Variants in KAZN observed in about 807,000 individuals in gnomAD.
KAZN encodes kazrin, periplakin interacting protein.
KAZN carries 40 observed loss-of-function variants against 87.4 expected under a neutral mutation model. The ratio of observed to expected loss-of-function variants is 0.46; its 90% CI spans 0.36 to 0.60. The LOEUF (loss-of-function observed/expected upper bound fraction) is 0.60. Among genes scored for constraint, KAZN ranks in the 20% least tolerant of loss-of-function variants. The pLI is 0.00. For synonymous variants in KAZN, 466 were observed against 458.3 expected, an observed-to-expected ratio of 1.02 and a Z score of -0.22; for missense variants, 898 against 1,073.9, an observed-to-expected ratio of 0.84 and a Z score of 2.29.
chr1:14,121,982 T>A (rs1644761546), intron 1 of KAZN, among the ~76,000 whole-genome samples: 1 of 152,162 alleles, frequency 6.6e-6, no homozygotes, highest in African/African-American at 2.4e-5. Flanking sequence ...ACAGAGTGTG[T>A]AGAACACAGT....
chr1:15,086,090 C>T (rs1349382514), intron 8 of KAZN, among the ~76,000 whole-genome samples: 1 of 152,152 alleles, frequency 6.6e-6, no homozygotes, highest in Non-Finnish European at 1.5e-5. Flanking sequence ...CCTGCCTCAG[C>T]CTCCCAAGTA....
chr1:14,544,379 A>G (rs1384739793), intron 2 of KAZN, among the ~76,000 whole-genome samples: 1 of 76,626 alleles, frequency 1.3e-5, no homozygotes, highest in Non-Finnish European at 2.7e-5. Flanking sequence ...TGGTCTTTTA[A>G]AGAATCTTCT....
intron 1 of KAZN, among the ~76,000 whole-genome samples, chr1:14,852,149 C>T (rs1033927870): frequency 2.0e-5 from 3 of 152,188 alleles, no homozygotes; most frequent in Non-Finnish European, 4.4e-5. Flanking sequence ...TCCTTCTCTG[C>T]GTCCCTATCT....
In KAZN at chr1:14,848,856, G is replaced by A. The variant is rs766949664; in HGVS notation, c.227-111828G>A. Among the ~76,000 whole-genome samples, 10 of 152,210 alleles carry A rather than the reference G, an allele frequency of 6.6e-5. No individual in the cohort carries two copies. In the East Asian group the frequency reaches 7.7e-4, roughly 12 times the overall value. On this transcript the variant is annotated intron_variant, in intron 1 of 14. Coordinates refer to ENST00000376030, the MANE Select transcript of KAZN (RefSeq NM_201628.3). ...GAGTTGGTGGAGACATCTGTGTAGC[G>A]TAGCGTGTCCTGGGAGCGCCTTGGA...
At chr1:14,588,957 A>G (rs1019006140) in intron 2 of KAZN, among the ~76,000 whole-genome samples, 2 of 152,180 alleles carry the variant, frequency 1.3e-5, no homozygotes, top group Non-Finnish European at 2.9e-5. Flanking sequence ...GCGTGGAGCC[A>G]GTAACTGGAG....
intron 2 of KAZN, among the ~76,000 whole-genome samples, chr1:14,205,597 C>T (rs1184453600): frequency 1.3e-5 from 2 of 152,004 alleles, no homozygotes; most frequent in East Asian, 3.9e-4. Flanking sequence ...ACACATACAT[C>T]AATTAAAATG....
At chr1:14,887,337 G>T (rs915384677) in intron 1 of KAZN, among the ~76,000 whole-genome samples, 1 of 152,166 alleles carries the variant, frequency 6.6e-6, no homozygotes, top group Non-Finnish European at 1.5e-5. Flanking sequence ...AGAACTTGAG[G>T]CTCCTTTCGG....
intron 2 of KAZN, among the ~76,000 whole-genome samples, chr1:14,214,450 A>G (rs1283033131): frequency 1.3e-5 from 2 of 152,074 alleles, no homozygotes; most frequent in Non-Finnish European, 2.9e-5. Context: ...TCTGCAGATA[A>G]CCCCCAACTC....
At chr1:15,037,750 G>A (rs1286472873) in intron 3 of KAZN, among the ~76,000 whole-genome samples, 6 of 152,136 alleles carry the variant, frequency 3.9e-5, no homozygotes, top group Non-Finnish European at 7.3e-5. Flanking sequence ...AAGGCCCCGG[G>A]TGGGCAGGAT....
At chr1:14,490,315 T>G (rs1669578294) in intron 2 of KAZN, among the ~76,000 whole-genome samples, 1 of 152,236 alleles carries the variant, frequency 6.6e-6, no homozygotes. Context: ...TCTTTGAAGT[T>G]TGGCTTTTGA....
At chr1:14,393,723 T>C (rs1662648985) in intron 2 of KAZN, among the ~76,000 whole-genome samples, 1 of 151,766 alleles carries the variant, frequency 6.6e-6, no homozygotes, top group Non-Finnish European at 1.5e-5. Context: ...AGAATTGCTA[T>C]TTCTAAAAGT....
chr1:14,266,636 G>GT (rs1651494529), intron 2 of KAZN, among the ~76,000 whole-genome samples: 1 of 152,182 alleles, frequency 6.6e-6, no homozygotes, highest in South Asian at 2.1e-4. Flanking sequence ...GTCAATGGTA[G>GT]TCACAGCCAA....
Position 14,704,979 on chromosome 1 carries a change from A to G in KAZN, c.226+105756A>G, listed in dbSNP as rs150398950. Among the ~76,000 whole-genome samples, 8 of 152,308 alleles carry G rather than the reference A, an allele frequency of 5.3e-5. No individual in the cohort carries two copies. In the East Asian group the frequency reaches 1.3e-3, roughly 26 times the overall value. On this transcript the variant is annotated intron_variant, in intron 1 of 14. Transcript: ENST00000376030. ...GTTTATAGCCCCCAGTTAGTGCACT[A>G]TCTAGCCACATGGTTTCTATATTAG...
At chr1:14,246,591 A>C (rs1322478549) in intron 2 of KAZN, among the ~76,000 whole-genome samples, 1 of 152,184 alleles carries the variant, frequency 6.6e-6, no homozygotes, top group Non-Finnish European at 1.5e-5. Context: ...TGTACTCCTG[A>C]CCCAGCTCAA....
chr1:14,760,878 T>C (rs1280372813), intron 1 of KAZN, among the ~76,000 whole-genome samples: 1 of 152,234 alleles, frequency 6.6e-6, no homozygotes. Flanking sequence ...TTACACTTTG[T>C]GGACCTTACA....
intron 2 of KAZN, among the ~76,000 whole-genome samples, chr1:14,411,318 C>G (rs573983989): frequency 6.6e-6 from 1 of 152,142 alleles, no homozygotes; most frequent in South Asian, 2.1e-4. Context: ...TTTTTGAGAC[C>G]GAGTCTCGCT....
chr1:14,596,214 C>T (rs1676498822), upstream of KAZN, among the ~76,000 whole-genome samples: 1 of 152,148 alleles, frequency 6.6e-6, no homozygotes, highest in Non-Finnish European at 1.5e-5. Context: ...CCCACAAGTT[C>T]CCAGTGAAGT....
chr1:15,086,438 G>T (rs1640261571), intron 8 of KAZN, among the ~76,000 whole-genome samples: 1 of 152,174 alleles, frequency 6.6e-6, no homozygotes, highest in South Asian at 2.1e-4. Flanking sequence ...ACCCTTTGAA[G>T]CACAAGGGTA....
intron 2 of KAZN, among the ~76,000 whole-genome samples, chr1:14,444,295 C>T (rs1437619629): frequency 6.8e-6 from 1 of 147,724 alleles, no homozygotes; most frequent in Non-Finnish European, 1.5e-5. Context: ...CCAAAATAAA[C>T]TAAATTCATG....
Sources: allele counts gnomAD v4.1 joint callset (sites outside exome capture counted in the v4.1 genomes callset), GRCh38; gene constraint gnomAD v4.1.1; transcripts MANE v1.5; gene names NCBI Gene and HGNC (gene_info 2026-07-23, HGNC 2026-07-21).